Variants in SPAG16 observed in about 807,000 individuals in gnomAD.
SPAG16 encodes the protein sperm-associated antigen 16 protein.
SPAG16 carries 86 observed loss-of-function variants against 80.4 expected under a neutral mutation model. That is an observed-to-expected ratio of 1.07 (90% CI 0.90 to 1.28). The LOEUF (loss-of-function observed/expected upper bound fraction) is 1.28. Among genes scored for constraint, SPAG16 ranks in the 50% most tolerant of loss-of-function variants. The pLI is 0.00. For missense variants in SPAG16, 870 were observed against 765.3 expected (o/e 1.14, Z -1.61); for synonymous variants, 294 against 265.9 (o/e 1.11, Z -1.03).
chr2:213,312,004 A>G lies in SPAG16; in HGVS notation c.398+1827A>G, dbSNP rs993248441. On this transcript the variant is annotated intron_variant, in intron 4 of 15. Transcript: ENST00000331683. ...ATAGATCCTTTAAATCGAGGGTTAG[A>G]AAACTAAGATCCTTGGGCCAAATCT... 2.6e-5 allele frequency among the ~76,000 whole-genome samples: 4 copies of G among 151,582 alleles called. No homozygotes were observed. In the Admixed American group the frequency reaches 2.6e-4, roughly 10 times the overall value.
chr2:213,768,482 A>G (rs778032058), intron 10 of SPAG16, among the ~76,000 whole-genome samples: 12 of 152,192 alleles, frequency 7.9e-5, no homozygotes, highest in Non-Finnish European at 1.8e-4. Context: ...AGACAGCACT[A>G]TATATGAATA....
At chr2:213,337,921 C>A (rs931562044) in intron 5 of SPAG16, among the ~76,000 whole-genome samples, 3 of 152,020 alleles carry the variant, frequency 2.0e-5, no homozygotes, top group African/African-American at 7.2e-5. Flanking sequence ...ACATAATCAT[C>A]AGATTCTCCA....
At chr2:213,591,761 G>A (rs1243327307) in intron 10 of SPAG16, among the ~76,000 whole-genome samples, 1 of 152,130 alleles carries the variant, frequency 6.6e-6, no homozygotes, top group South Asian at 2.1e-4. Flanking sequence ...AGAAACATGA[G>A]GAGTAAGGAG....
At chr2:213,701,646 G>A (rs565819549) in intron 10 of SPAG16, among the ~76,000 whole-genome samples, 10 of 152,330 alleles carry the variant, frequency 6.6e-5, no homozygotes, top group South Asian at 2.1e-4. Flanking sequence ...AGCTCCACCC[G>A]CAGCCCTGGC....
rs66674310 is a variant in SPAG16 at position 213,407,596 on chromosome 2, G to GGAGA, written c.942+32518_942+32521dup. 5.7e-3 allele frequency among the ~76,000 whole-genome samples: 586 copies of GGAGA among 102,056 alleles called. 5 individuals are homozygous for GGAGA. The highest frequency in any genetic ancestry group is 0.011 in the Middle Eastern group (2 of 188). 67.0% of individuals were successfully genotyped at this position (102,056 alleles called of 152,430 possible). A position where few individuals can be genotyped will look rare whatever the true frequency, so the allele number is the denominator to read the frequency against. ...CCCTACCCTAGGAGAGAGAGAGACA[G>GGAGA]GAGAGAGAGAGAGAGAGAGAGAGAG... On this transcript the variant is annotated intron_variant, in intron 9 of 15. Coordinates refer to ENST00000331683, the MANE Select transcript of SPAG16 (RefSeq NM_024532.5).
chr2:213,416,698 G>A (rs1462372008), intron 9 of SPAG16, among the ~76,000 whole-genome samples: 1 of 152,176 alleles, frequency 6.6e-6, no homozygotes, highest in Non-Finnish European at 1.5e-5. Flanking sequence ...GGGCTAAAGA[G>A]GAGCGTTTTG....
chr2:213,649,636 C>A (rs1044706277), intron 10 of SPAG16, among the ~76,000 whole-genome samples: 120 of 152,176 alleles, frequency 7.9e-4, no homozygotes, highest in African/African-American at 2.7e-3. Context: ...GTGCAGTGGC[C>A]TGATCACTGC....
chr2:213,618,874 T>G (rs2061683980), intron 10 of SPAG16, among the ~76,000 whole-genome samples: 1 of 152,220 alleles, frequency 6.6e-6, no homozygotes, highest in Non-Finnish European at 1.5e-5. Flanking sequence ...CTGCTTTTCT[T>G]TTAGTAAGAG....
At chr2:213,649,610 T>G (rs2062951517) in intron 10 of SPAG16, among the ~76,000 whole-genome samples, 1 of 152,204 alleles carries the variant, frequency 6.6e-6, no homozygotes. Flanking sequence ...AGGATCTCAC[T>G]GTCATCCAGG....
intron 9 of SPAG16, among the ~76,000 whole-genome samples, chr2:213,487,510 G>A (rs1195317148): frequency 1.3e-5 from 2 of 151,980 alleles, no homozygotes; most frequent in Non-Finnish European, 2.9e-5. Flanking sequence ...CACATAGGCT[G>A]GGTGATATAA....
At chr2:214,048,448 G>T (rs1346033824) in intron 13 of SPAG16, among the ~76,000 whole-genome samples, 1 of 152,114 alleles carries the variant, frequency 6.6e-6, no homozygotes, top group Non-Finnish European at 1.5e-5. Flanking sequence ...AGTGAAGTAT[G>T]CCAGGCACAC....
chr2:214,049,099 C>G (rs2049499405), intron 13 of SPAG16, among the ~76,000 whole-genome samples: 1 of 152,062 alleles, frequency 6.6e-6, no homozygotes, highest in Admixed American at 6.5e-5. Context: ...TCATGCCTAG[C>G]TAAATTTTAA....
chr2:214,047,718 T>C (rs1163139620), intron 13 of SPAG16, among the ~76,000 whole-genome samples: 1 of 152,122 alleles, frequency 6.6e-6, no homozygotes, highest in Non-Finnish European at 1.5e-5. Flanking sequence ...AAAAAGCTTC[T>C]ACCCAGCAAA....
intron 10 of SPAG16, among the ~76,000 whole-genome samples, chr2:213,846,701 TAATTTA>T (rs1281459763): frequency 6.6e-6 from 1 of 152,184 alleles, no homozygotes; most frequent in East Asian, 1.9e-4. Context: ...ATATGTCTTT[TAATTTA>T]AATTTAATTT....
chr2:213,825,538 A>G (rs930022893), intron 10 of SPAG16, among the ~76,000 whole-genome samples: 3 of 152,056 alleles, frequency 2.0e-5, no homozygotes, highest in East Asian at 1.9e-4. Flanking sequence ...ATTGATTTGC[A>G]TATGTTAAAC....
At chr2:213,957,824 A>C (rs2044226222) in intron 12 of SPAG16, among the ~76,000 whole-genome samples, 1 of 152,162 alleles carries the variant, frequency 6.6e-6, no homozygotes, top group Non-Finnish European at 1.5e-5. Flanking sequence ...TATAATTTGA[A>C]TTTATACCAG....
intron 9 of SPAG16, among the ~76,000 whole-genome samples, chr2:213,485,435 A>G (rs1438770560): frequency 1.3e-5 from 2 of 152,134 alleles, no homozygotes; most frequent in Non-Finnish European, 1.5e-5. Context: ...CTAAACATCT[A>G]TCAGTGTAAT....
chr2:213,711,102 C>T (rs527484031), intron 10 of SPAG16, among the ~76,000 whole-genome samples: 6 of 152,054 alleles, frequency 3.9e-5, no homozygotes, highest in South Asian at 2.1e-4. Context: ...CTTTAGCTGC[C>T]GGTGTTTGCT....
chr2:213,719,416 C>A (rs569867525), intron 10 of SPAG16, among the ~76,000 whole-genome samples: 179 of 152,302 alleles, frequency 1.2e-3, no homozygotes, highest in South Asian at 3.1e-3. Flanking sequence ...CCTTGGAGAA[C>A]CTGTGTGTCG....
Sources: gnomAD v4.1 joint callset for allele counts (sites outside exome capture counted in the v4.1 genomes callset) on GRCh38, gnomAD v4.1.1 for gene constraint, MANE v1.5 for transcripts, NCBI Gene and HGNC (gene_info 2026-07-23, HGNC 2026-07-21) for gene names.